The following ZBTB40 variants were observed in gnomAD, a reference collection of about 807,000 sequenced individuals.
ZBTB40 encodes the protein zinc finger and BTB domain-containing protein 40.
A neutral mutation model predicts 117.5 loss-of-function variants in ZBTB40; 60 were observed. The observed-to-expected ratio is 0.51, with a 90% CI of 0.41 to 0.63. The LOEUF is 0.63. Ranked by LOEUF, ZBTB40 falls within the 30% of genes least tolerant of loss-of-function variation. The pLI, the probability that ZBTB40 is intolerant of heterozygous loss-of-function variation, is 0.00. For missense variants in ZBTB40, 1,287 were observed against 1,498.5 expected (o/e 0.86, Z 2.33); for synonymous variants, 525 against 577.1 (o/e 0.91, Z 1.29).
Position 22,511,616 on chromosome 1 carries a change from G to A in ZBTB40, c.2003-60G>A, listed in dbSNP as rs1216793283. 7.0e-6 allele frequency: 11 copies of A among 1,572,420 alleles called. No homozygotes were observed. The South Asian group carries it at 7.0e-5, about 10-fold the overall frequency. ...CTCCTGTAAGAAGTGTGTTAGAAAC[G>A]TTATAAAGCAAAATAGAAACAGAGA... On this transcript the variant is annotated intron_variant, in intron 10 of 17. Transcript: ENST00000375647.
chr1:22,507,683 C>G (rs1055674817), intron 6 of ZBTB40, among the ~76,000 whole-genome samples: 1 of 152,144 alleles, frequency 6.6e-6, no homozygotes, highest in African/African-American at 2.4e-5. Context: ...TTGACAAACA[C>G]CCCCCCTTGA....
chr1:22,481,814 A>AT (rs1638328993), intron 1 of ZBTB40, among the ~76,000 whole-genome samples: 1 of 149,038 alleles, frequency 6.7e-6, no homozygotes, highest in East Asian at 1.9e-4. Flanking sequence ...AAAAAAAAAA[A>AT]ATCACATTAC....
chr1:22,520,700 A>G (rs1272869460), intron 14 of ZBTB40, among the ~76,000 whole-genome samples: 1 of 152,130 alleles, frequency 6.6e-6, no homozygotes, highest in African/African-American at 2.4e-5. Context: ...CAGCCTTTTT[A>G]CCTTAGGATT....
chr1:22,521,501 G>T lies in ZBTB40; in HGVS notation c.3054G>T (p.Leu1018Phe). The T allele has an allele frequency of 6.2e-7, 1 of 1,614,182 alleles. No individual in the cohort carries two copies. Among genetic ancestry groups the T allele is most frequent in the Non-Finnish European group, 8.5e-7 (1 of 1,180,050 alleles). The change falls in exon 15 of 18, where the codon TTG (leucine) becomes TTT (phenylalanine). Residue 1018 changes from leucine to phenylalanine, a missense_variant. Leu to Phe is a conservative substitution (Grantham distance 22). Coordinates refer to ENST00000375647, the MANE Select transcript of ZBTB40 (RefSeq NM_014870.4). ...ACTTGCCAAATTCCTTGCAGCAATTGTCTGGTTTGTGGTACCACAATCGAA... is the reference window on the plus strand; with the variant it reads ...ACTTGCCAAATTCCTTGCAGCAATTTTCTGGTTTGTGGTACCACAATCGAA... Reference protein sequence around the residue: ...CGICNKAYQQLSGLWYHNRTH... With the variant: ...CGICNKAYQQFSGLWYHNRTH...
chr1:22,519,045 T>C (rs1474150412), intron 13 of ZBTB40, among the ~76,000 whole-genome samples: 2 of 152,198 alleles, frequency 1.3e-5, no homozygotes, highest in Admixed American at 6.5e-5. Context: ...TCATTGCTTA[T>C]GGAAAGCTGC....
chr1:22,471,136 A>C (rs949624801), intron 1 of ZBTB40, among the ~76,000 whole-genome samples: 6 of 152,260 alleles, frequency 3.9e-5, no homozygotes, highest in Non-Finnish European at 8.8e-5. Context: ...TGACAACCAA[A>C]CTAGACCTTT....
intron 1 of ZBTB40, among the ~76,000 whole-genome samples, chr1:22,464,623 GA>G (rs1206999916): frequency 6.6e-6 from 1 of 152,106 alleles, no homozygotes; most frequent in Non-Finnish European, 1.5e-5. Context: ...GTTTACTATA[GA>G]AAATTTTATA....
chr1:22,519,960 A>G, intron 13 of ZBTB40, 101 bp from the exon 14 acceptor site: 1 of 1,057,506 alleles, frequency 9.5e-7, no homozygotes, highest in East Asian at 2.4e-5. Context: ...GAGTCTTCAC[A>G]TTTGTTGCTG....
At chr1:22,452,826 A>G (rs1380094026) in intron 1 of ZBTB40, 1 of 152,208 alleles carries the variant, frequency 6.6e-6, no homozygotes, top group Non-Finnish European at 1.5e-5. Context: ...GGTCTTACTG[A>G]CTATTCAGAG....
chr1:22,455,238 G>C (rs951704280), intron 1 of ZBTB40, among the ~76,000 whole-genome samples: 16 of 151,136 alleles, frequency 1.1e-4, no homozygotes, highest in Non-Finnish European at 2.2e-4. Flanking sequence ...AAATTTGTTT[G>C]TGCATGATTT....
In ZBTB40 at chr1:22,526,387, G is replaced by A; in HGVS notation, c.3711G>A (p.Glu1237=). The A allele has an allele frequency of 2.5e-6, 4 of 1,614,102 alleles. No individual in the cohort carries two copies. Among genetic ancestry groups the A allele is most frequent in the Non-Finnish European group, 3.4e-6 (4 of 1,180,022 alleles). The change falls in exon 18 of 18, where the codon GAG becomes GAA. Residue 1237 remains glutamate, a synonymous_variant. Coordinates refer to ENST00000375647, the MANE Select transcript of ZBTB40 (RefSeq NM_014870.4). The part of the protein sequence containing the change: ...LDGTVTLICG[E]AK ...GCACAGTGACGCTGATCTGTGGTGAGGCCAAATGAGCAGCCTTTCATCCGG... is the reference window on the plus strand; with the variant it reads ...GCACAGTGACGCTGATCTGTGGTGAAGCCAAATGAGCAGCCTTTCATCCGG...
chr1:22,507,061 A>G (rs1271202996), intron 6 of ZBTB40, among the ~76,000 whole-genome samples: 2 of 152,166 alleles, frequency 1.3e-5, no homozygotes, highest in Non-Finnish European at 2.9e-5. Flanking sequence ...ATAAGGATGT[A>G]TATGGTGTAT....
chr1:22,433,435 A>AAAACAAAAACAAAAACAAAAC (rs1386807539), intron 1 of ZBTB40, among the ~76,000 whole-genome samples: 4 of 120,196 alleles, frequency 3.3e-5, no homozygotes, highest in Admixed American at 1.6e-4. Flanking sequence ...GCCCTCTCAA[A>AAAACAAAAACAAAAACAAAAC]AAAAAAAAAA....
At chr1:22,518,719 G>A (rs1427638342) in intron 13 of ZBTB40, among the ~76,000 whole-genome samples, 1 of 152,240 alleles carries the variant, frequency 6.6e-6, no homozygotes. Context: ...GGAAAATAAA[G>A]TGTGGCCCTT....
rs756393682 is a variant in ZBTB40 at position 22,517,278 on chromosome 1, A to G, written c.2669-22A>G. 5 of 1,613,486 alleles carry G rather than the reference A, an allele frequency of 3.1e-6. No individual in the cohort carries two copies. The African/African-American group carries it at 5.3e-5, about 17-fold the overall frequency. ...CCATAAATTTTTAGTGCTGACTCTA[A>G]TAAGCTCCTGTGTATTTGCAGGGAA... is the stretch of plus-strand genomic sequence containing the variant. On this transcript the variant is annotated intron_variant, in intron 12 of 17. Coordinates refer to ENST00000375647, the MANE Select transcript of ZBTB40 (RefSeq NM_014870.4).
chr1:22,482,095 C>T (rs1638337109), intron 1 of ZBTB40, among the ~76,000 whole-genome samples: 1 of 151,960 alleles, frequency 6.6e-6, no homozygotes, highest in Admixed American at 6.5e-5. Context: ...GACTGTTCTT[C>T]ATTTGTTTAA....
chr1:22,522,607 C>A, intron 16 of ZBTB40, 144 bp downstream of exon 16: 1 of 799,248 alleles, frequency 1.3e-6, no homozygotes, highest in South Asian at 1.4e-5. Context: ...ACAGTTGTAG[C>A]ACCTGCCTCA....
chr1:22,496,766 G>T lies in ZBTB40; in HGVS notation c.832-4726G>T, dbSNP rs1401042103. 3.3e-5 allele frequency among the ~76,000 whole-genome samples: 5 copies of T among 152,152 alleles called. No individual in the cohort carries two copies. In the East Asian group the frequency reaches 9.6e-4, roughly 29 times the overall value. On this transcript the variant is annotated intron_variant, in intron 3 of 17. Coordinates refer to ENST00000375647, the MANE Select transcript of ZBTB40 (RefSeq NM_014870.4). ...ACTTTCAGAAAGGCTTGCCCTCATG[G>T]TGACAGAAATGGCAGCAGCTGCTCT...
chr1:22,521,762 G>A (rs1639534446), intron 15 of ZBTB40, 104 bp downstream of exon 15: 1 of 1,527,350 alleles, frequency 6.5e-7, no homozygotes, highest in South Asian at 1.1e-5. Context: ...GTGATGTGCA[G>A]TGGTCATTGC....
Sources: gnomAD v4.1 joint callset for allele counts (sites outside exome capture counted in the v4.1 genomes callset) on GRCh38, gnomAD v4.1.1 for gene constraint, MANE v1.5 for transcripts, NCBI Gene and HGNC (gene_info 2026-07-23, HGNC 2026-07-21) for gene names.